Variants in PDE7B observed in about 807,000 individuals in gnomAD.
PDE7B encodes the protein 3',5'-cyclic-AMP phosphodiesterase 7B.
Under a neutral mutation model 56.2 loss-of-function variants are expected in PDE7B, and 29 were observed. The observed-to-expected ratio is 0.52, with a 90% CI of 0.38 to 0.70. PDE7B has a LOEUF of 0.70. Ranked by LOEUF, PDE7B falls within the 30% of genes least tolerant of loss-of-function variation. The pLI is 0.00. For synonymous variants in PDE7B, 197 were observed against 196.9 expected, an observed-to-expected ratio of 1.00 and a Z score of 0.00; for missense variants, 490 against 565.0, an observed-to-expected ratio of 0.87 and a Z score of 1.35.
At chr6:135,854,389 T>C (rs1774988058) in intron 1 of PDE7B, among the ~76,000 whole-genome samples, 1 of 152,202 alleles carries the variant, frequency 6.6e-6, no homozygotes, top group African/African-American at 2.4e-5. Flanking sequence ...GACCTCACAT[T>C]GTTGGGGTAC....
At chr6:136,094,076 CTCTG>C (rs1777434714) in intron 2 of PDE7B, 1 of 153,510 alleles carries the variant, frequency 6.5e-6, no homozygotes, top group Non-Finnish European at 1.4e-5. Context: ...CCAACAGGTT[CTCTG>C]TCTGGGGAGG....
chr6:135,935,186 T>TTTTATATATATATATA (rs1404954510), intron 1 of PDE7B, among the ~76,000 whole-genome samples: 432 of 38,404 alleles, frequency 0.011, 57 homozygotes, highest in African/African-American at 0.06. Context: ...ATATATATAT[T>TTTTATATATATATATA]TATTTATATA....
intron 3 of PDE7B, among the ~76,000 whole-genome samples, chr6:136,113,426 A>G (rs1214900491): frequency 6.6e-6 from 1 of 152,228 alleles, no homozygotes; most frequent in Non-Finnish European, 1.5e-5. Flanking sequence ...TCTATTTTAC[A>G]CAATTTAGAA....
chr6:136,140,644 T>C (rs1423366611), intron 3 of PDE7B, among the ~76,000 whole-genome samples: 6 of 152,100 alleles, frequency 3.9e-5, no homozygotes, highest in East Asian at 1.9e-4. Flanking sequence ...TTTTATTTCA[T>C]TGAGCAGTGG....
chr6:136,024,062 G>A (rs575358551), intron 2 of PDE7B, among the ~76,000 whole-genome samples: 1 of 152,020 alleles, frequency 6.6e-6, no homozygotes, highest in African/African-American at 2.4e-5. Flanking sequence ...ATCTAGGAAA[G>A]GATGACATTT....
chr6:135,860,750 T>C (rs1775130207), intron 1 of PDE7B, among the ~76,000 whole-genome samples: 1 of 152,034 alleles, frequency 6.6e-6, no homozygotes, highest in Admixed American at 6.6e-5. Context: ...CAACTGGTAT[T>C]ATTTGCTTTC....
At position 136,169,677 on chromosome 6, in the gene PDE7B, C is replaced by T. The variant is rs370573125; in HGVS notation, c.712-4120C>T. ...TTAGTCTTGCAAGTGAACACGTGAG[C>T]GACTGAATTAAATGTCATCACAGGA... On this transcript the variant is annotated intron_variant, in intron 8 of 12. Transcript: ENST00000308191. Among the ~76,000 whole-genome samples, 29 of 152,236 alleles carry T rather than the reference C, an allele frequency of 1.9e-4. No homozygotes were observed. The South Asian group carries it at 3.1e-3, about 16-fold the overall frequency.
chr6:135,981,033 C>A lies in PDE7B; in HGVS notation c.82+33509C>A, dbSNP rs1230581236. Among the ~76,000 whole-genome samples the A allele has an allele frequency of 3.4e-5, 5 of 147,972 alleles. No individual in the cohort carries two copies. In the Admixed American group the frequency reaches 3.4e-4, roughly 10 times the overall value. On this transcript the variant is annotated intron_variant, in intron 2 of 12. Coordinates refer to ENST00000308191, the MANE Select transcript of PDE7B (RefSeq NM_018945.4). ...ACAATAGCAAAGACTTGGAACCAAC[C>A]CAAATGTCCAACAATGATAGACTGG...
chr6:136,118,883 C>T (rs901496110), intron 3 of PDE7B, among the ~76,000 whole-genome samples: 38 of 152,140 alleles, frequency 2.5e-4, no homozygotes, highest in African/African-American at 9.2e-4. Flanking sequence ...TGAGATTAAA[C>T]ATCTAAAAAA....
chr6:136,024,706 A>G (rs1776123488), intron 2 of PDE7B, among the ~76,000 whole-genome samples: 1 of 152,212 alleles, frequency 6.6e-6, no homozygotes, highest in Non-Finnish European at 1.5e-5. Context: ...AGTTGTCCTA[A>G]GAACTCAGTC....
rs150386279 is a variant in PDE7B, at chr6:136,157,085, G to T, written c.711+1327G>T. Among the ~76,000 whole-genome samples the T allele has an allele frequency of 1.7e-4, 26 of 152,134 alleles. No homozygotes were observed. In the East Asian group the frequency reaches 4.6e-3, roughly 27 times the overall value. ...CCACAGAAAGAAGAATTGATACTTG[G>T]GAAATTTAAGTGTTTTTCCTGAAAA... is the stretch of plus-strand genomic sequence containing the variant. On this transcript the variant is annotated intron_variant, in intron 8 of 12. Coordinates refer to ENST00000308191, the MANE Select transcript of PDE7B (RefSeq NM_018945.4).
At chr6:136,069,094 G>C (rs1482108611) in intron 2 of PDE7B, among the ~76,000 whole-genome samples, 1 of 152,168 alleles carries the variant, frequency 6.6e-6, no homozygotes, top group African/African-American at 2.4e-5. Flanking sequence ...GCCTGAACTA[G>C]TGTTTCAGGT....
intron 2 of PDE7B, among the ~76,000 whole-genome samples, chr6:135,961,265 GTGTGTGTGTGTGTGTA>G (rs1182365303): frequency 4.6e-4 from 65 of 142,380 alleles, no homozygotes; most frequent in South Asian, 1.9e-3. Context: ...ATGTGTGTGT[GTGTGTGTGTGTGTGTA>G]TGTGTGTGTG....
At chr6:135,981,432 TATAATA>T (rs1010470323) in intron 2 of PDE7B, among the ~76,000 whole-genome samples, 1 of 150,976 alleles carries the variant, frequency 6.6e-6, no homozygotes, top group Non-Finnish European at 1.5e-5. Flanking sequence ...AAACTTAAAG[TATAATA>T]ATAATAATAA....
intron 1 of PDE7B, among the ~76,000 whole-genome samples, chr6:135,912,295 A>G (rs1011773214): frequency 6.6e-6 from 1 of 152,234 alleles, no homozygotes; most frequent in Non-Finnish European, 1.5e-5. Flanking sequence ...AAAATGAAAA[A>G]TACAACAATA....
intron 2 of PDE7B, 57 bp downstream of exon 2, chr6:135,947,581 C>A: frequency 7.7e-7 from 1 of 1,294,882 alleles, no homozygotes; most frequent in East Asian, 2.3e-5. Flanking sequence ...GTGGAGTTAT[C>A]ATTCTGTTGC....
chr6:136,010,805 G>C (rs866183835), intron 2 of PDE7B, among the ~76,000 whole-genome samples: 1 of 152,072 alleles, frequency 6.6e-6, no homozygotes, highest in Non-Finnish European at 1.5e-5. Flanking sequence ...CAAAATTAGA[G>C]ATTAAGGAAA....
intron 1 of PDE7B, among the ~76,000 whole-genome samples, chr6:135,870,181 T>C (rs1350327820): frequency 6.6e-6 from 1 of 152,054 alleles, no homozygotes; most frequent in Non-Finnish European, 1.5e-5. Context: ...ACTAGAGTGG[T>C]GGACAGTGTT....
At chr6:135,931,550 T>A (rs2128197045) in intron 1 of PDE7B, among the ~76,000 whole-genome samples, 1 of 152,304 alleles carries the variant, frequency 6.6e-6, no homozygotes, top group African/African-American at 2.4e-5. Context: ...TTCCAAAGGT[T>A]TAATATTTTC....
Sources: allele counts gnomAD v4.1 joint callset (sites outside exome capture counted in the v4.1 genomes callset), GRCh38; gene constraint gnomAD v4.1.1; transcripts MANE v1.5; gene names NCBI Gene and HGNC (gene_info 2026-07-23, HGNC 2026-07-21).